Variants in ZFPM2 observed in about 807,000 individuals in gnomAD.
The protein encoded by ZFPM2 is zinc finger protein, FOG family member 2, also known as zinc finger protein ZFPM2.
Under a neutral mutation model 98.6 loss-of-function variants are expected in ZFPM2, and 20 were observed. That is an observed-to-expected ratio of 0.20 (90% confidence interval 0.14 to 0.29). The LOEUF (loss-of-function observed/expected upper bound fraction) is 0.29, where lower values mean the gene tolerates loss of function less well. Ranked by LOEUF, ZFPM2 falls within the 10% of genes least tolerant of loss-of-function variation. ZFPM2 has a pLI of 1.00. For synonymous variants in ZFPM2, 518 were observed against 502.7 expected (o/e 1.03, Z -0.41); for missense variants, 1,310 against 1,388.6 (o/e 0.94, Z 0.90).
intron 1 of ZFPM2, among the ~76,000 whole-genome samples, chr8:105,407,762 T>G (rs534619292): frequency 2.6e-5 from 4 of 151,988 alleles, no homozygotes; most frequent in African/African-American, 7.2e-5. Flanking sequence ...TTTACAACTT[T>G]TCCCCTTCAA....
intron 5 of ZFPM2, among the ~76,000 whole-genome samples, chr8:105,698,790 C>G (rs1811075664): frequency 6.6e-6 from 1 of 152,128 alleles, no homozygotes; most frequent in Non-Finnish European, 1.5e-5. Context: ...ATGATTGCAA[C>G]AAGGTTACAC....
chr8:105,617,039 A>G (rs1816433672), intron 4 of ZFPM2, among the ~76,000 whole-genome samples: 2 of 128,830 alleles, frequency 1.6e-5, no homozygotes, highest in African/African-American at 5.8e-5. Flanking sequence ...AAAAAAAAAA[A>G]AAAAAAAAAA....
At chr8:105,724,618 A>T (rs190658507) in intron 5 of ZFPM2, among the ~76,000 whole-genome samples, 6 of 152,006 alleles carry the variant, frequency 3.9e-5, no homozygotes, top group African/African-American at 1.2e-4. Context: ...CAATAGCAAT[A>T]GGAAGTGGAA....
chr8:105,482,293 T>C (rs1348526897), intron 3 of ZFPM2, among the ~76,000 whole-genome samples: 1 of 152,184 alleles, frequency 6.6e-6, no homozygotes, highest in Non-Finnish European at 1.5e-5. Context: ...TACTCTGATA[T>C]AGTATCTTTC....
rs1338906562 is a variant in ZFPM2 at position 105,420,598 on chromosome 8, A to G, written c.199+1296A>G. The stretch of plus-strand genomic sequence containing the variant: ...TGAAAATGAGAAAAGTATGAACAGA[A>G]TAGCCTTTTTTCCTAGTGTTGACTC... On this transcript the variant is annotated intron_variant, in intron 2 of 7. Coordinates refer to ENST00000407775, the MANE Select transcript of ZFPM2 (RefSeq NM_012082.4). 1.3e-5 allele frequency among the ~76,000 whole-genome samples: 2 copies of G among 152,188 alleles called. 1 individual carries two copies. Among genetic ancestry groups the G allele is most frequent in the Admixed American group, 1.3e-4 (2 of 15,276 alleles).
intron 6 of ZFPM2, 155 bp from the exon 7 acceptor site, chr8:105,798,569 A>T (rs1205898996): frequency 6.5e-6 from 4 of 618,816 alleles, no homozygotes; most frequent in African/African-American, 3.7e-5. Context: ...GTCGAGTCCT[A>T]TGCTGTAGAA....
At chr8:105,449,576 C>T (rs867445463) in intron 3 of ZFPM2, among the ~76,000 whole-genome samples, 10 of 151,916 alleles carry the variant, frequency 6.6e-5, no homozygotes, top group African/African-American at 1.2e-4. Context: ...CTTGCTGCTA[C>T]GCTGATAAGT....
chr8:105,319,031 G>A (rs559498287), intron 1 of ZFPM2, 50 bp downstream of exon 1: 18 of 1,467,918 alleles, frequency 1.2e-5, no homozygotes, highest in Middle Eastern at 1.9e-4. Context: ...GCCCAGGAGC[G>A]GGGTGCGCGG....
intron 5 of ZFPM2, among the ~76,000 whole-genome samples, chr8:105,697,471 T>TACA (rs1250173842): frequency 6.6e-6 from 1 of 152,180 alleles, no homozygotes; most frequent in Non-Finnish European, 1.5e-5. Context: ...GCTGTTAAAT[T>TACA]ACATATGCTT....
At chr8:105,683,711 C>G (rs764497607) in intron 5 of ZFPM2, among the ~76,000 whole-genome samples, 5 of 152,094 alleles carry the variant, frequency 3.3e-5, no homozygotes, top group Non-Finnish European at 7.4e-5. Flanking sequence ...AGAATCAGCC[C>G]TGAGATTACC....
chr8:105,494,278 T>C lies in ZFPM2; in HGVS notation c.301+49897T>C, dbSNP rs190138806. ...TGAATTTTGCAGCTTTCCTTCCAAA[T>C]CAACTACTCTTTTTGCATTACACTT... On this transcript the variant is annotated intron_variant, in intron 3 of 7. Coordinates refer to ENST00000407775, the MANE Select transcript of ZFPM2 (RefSeq NM_012082.4). 2.9e-3 allele frequency among the ~76,000 whole-genome samples: 411 copies of C among 143,812 alleles called. 1 individual carries two copies. Among genetic ancestry groups the C allele is most frequent in the Non-Finnish European group, 4.7e-3 (314 of 66,374 alleles). 94.3% of individuals were successfully genotyped at this position (143,812 alleles called of 152,430 possible). A position where few individuals can be genotyped will look rare whatever the true frequency, so the allele number is the denominator to read the frequency against.
At chr8:105,731,488 T>C (rs1811936954) in intron 5 of ZFPM2, among the ~76,000 whole-genome samples, 1 of 151,732 alleles carries the variant, frequency 6.6e-6, no homozygotes, top group Non-Finnish European at 1.5e-5. Flanking sequence ...TGGATTGTGT[T>C]ACATAGAAGT....
chr8:105,510,303 C>G (rs1280055498), intron 3 of ZFPM2, among the ~76,000 whole-genome samples: 2 of 151,956 alleles, frequency 1.3e-5, no homozygotes, highest in Non-Finnish European at 2.9e-5. Flanking sequence ...TTTAAAAAAT[C>G]CAAGAAAAGC....
At chr8:105,628,904 G>GCCACCTCA (rs61382465) in intron 4 of ZFPM2, among the ~76,000 whole-genome samples, 30,753 of 152,036 alleles carry the variant, frequency 0.2, 3,132 homozygotes, top group South Asian at 0.26. Context: ...GTGATGAGTA[G>GCCACCTCA]CATGAAAAAG....
chr8:105,584,431 G>C (rs1282754299), intron 4 of ZFPM2, among the ~76,000 whole-genome samples: 5 of 152,062 alleles, frequency 3.3e-5, no homozygotes, highest in African/African-American at 9.7e-5. Flanking sequence ...TGCCAAGAAA[G>C]GATGAGTAGG....
intron 1 of ZFPM2, among the ~76,000 whole-genome samples, chr8:105,415,428 CA>C (rs1490817705): frequency 6.6e-6 from 1 of 151,966 alleles, no homozygotes; most frequent in Admixed American, 6.6e-5. Flanking sequence ...ACTTGCCTGC[CA>C]AGTGGCCTCA....
intron 1 of ZFPM2, among the ~76,000 whole-genome samples, chr8:105,343,915 T>A (rs1026442466): frequency 2.6e-5 from 4 of 152,122 alleles, no homozygotes; most frequent in African/African-American, 9.7e-5. Context: ...TACCTGAGAC[T>A]GGGTAATTTA....
chr8:105,487,310 G>A (rs527310373), intron 3 of ZFPM2, among the ~76,000 whole-genome samples: 96 of 152,164 alleles, frequency 6.3e-4, no homozygotes, highest in African/African-American at 2.1e-3. Context: ...GAAGAAATGA[G>A]GTCTTCCCAT....
At chr8:105,489,348 TTATATA>T (rs957207736) in intron 3 of ZFPM2, among the ~76,000 whole-genome samples, 1 of 148,206 alleles carries the variant, frequency 6.7e-6, no homozygotes, top group African/African-American at 2.5e-5. Context: ...ATGTAAAACG[TTATATA>T]TATATTTATA....
Sources: allele counts gnomAD v4.1 joint callset (sites outside exome capture counted in the v4.1 genomes callset), GRCh38; gene constraint gnomAD v4.1.1; transcripts MANE v1.5; gene names NCBI Gene and HGNC (gene_info 2026-07-23, HGNC 2026-07-21).